Variants in SCN9A observed in about 807,000 individuals in gnomAD.
SCN9A encodes sodium voltage-gated channel alpha subunit 9.
Under a neutral mutation model 187.0 loss-of-function variants are expected in SCN9A, and 131 were observed. The observed-to-expected ratio is 0.70, with a 90% CI of 0.61 to 0.81. SCN9A has a LOEUF of 0.81. Ranked by LOEUF, SCN9A falls within the 30% of genes least tolerant of loss-of-function variation. SCN9A has a pLI of 0.00. For missense variants in SCN9A, 2,252 were observed against 2,396.6 expected, an observed-to-expected ratio of 0.94 and a Z score of 1.26; for synonymous variants, 809 against 808.6, an observed-to-expected ratio of 1.00 and a Z score of -0.01.
chr2:166,255,738 C>T (rs1696242751), intron 17 of SCN9A, among the ~76,000 whole-genome samples: 2 of 151,386 alleles, frequency 1.3e-5, no homozygotes, highest in Admixed American at 6.6e-5. Flanking sequence ...ATGGTTATTT[C>T]ACCTGAGCCT....
intron 1 of SCN9A, among the ~76,000 whole-genome samples, chr2:166,347,307 A>C (rs1233513861): frequency 1.3e-5 from 2 of 152,218 alleles, no homozygotes; most frequent in Admixed American, 6.5e-5. Flanking sequence ...AAAAAATATA[A>C]AATACTTTAA....
intron 24 of SCN9A, among the ~76,000 whole-genome samples, chr2:166,219,772 T>C (rs948836315): frequency 6.6e-6 from 1 of 152,068 alleles, no homozygotes; most frequent in Non-Finnish European, 1.5e-5. Flanking sequence ...AAAAAATAAA[T>C]GTATATTTCA....
chr2:166,252,042 A>G, intron 17 of SCN9A, 157 bp from the exon 18 acceptor site: 2 of 701,938 alleles, frequency 2.8e-6, no homozygotes, highest in South Asian at 2.0e-5. Context: ...TATTGAGGTC[A>G]AGTAACCTTA....
intron 1 of SCN9A, among the ~76,000 whole-genome samples, chr2:166,333,553 C>T (rs952479639): frequency 2.6e-5 from 4 of 152,058 alleles, no homozygotes; most frequent in African/African-American, 7.2e-5. Context: ...ATAAGCTGGA[C>T]TTCTGAACAT....
chr2:166,301,231 C>T (rs1307033248), intron 7 of SCN9A: 1 of 149,588 alleles, frequency 6.7e-6, no homozygotes, highest in African/African-American at 2.5e-5. Context: ...GAATTGCAAT[C>T]TAACTTCATA....
rs1693342319 is a variant in SCN9A at position 166,198,981 on chromosome 2, C to G, written c.5658G>C (p.Arg1886=). ...SYEPITTTLK[R]KQEDVSATVI... is the part of the protein sequence containing the mutation. ...CAGTAGCAGACACATCCTCTTGTTT[C>G]CGTTTTAGTGTGGTTGTGATGGGTT... The change falls in exon 27 of 27, where the codon CGG becomes CGC. Residue 1886 remains arginine (R), a synonymous_variant. Transcript: ENST00000642356. 1.2e-6 allele frequency: 2 copies of G among 1,613,870 alleles called. No homozygotes were observed. The highest frequency in any genetic ancestry group is 1.1e-5 in the South Asian group (1 of 91,086).
Position 166,280,383 on chromosome 2 carries a change from T to C in SCN9A, c.2317A>G (p.Lys773Glu), listed in dbSNP as rs1553488765. 3.2e-6 allele frequency: 5 copies of C among 1,581,142 alleles called. No homozygotes were observed. In the East Asian group the frequency reaches 1.1e-4, roughly 36 times the overall value. ...MEHHPMTEEF[K>E]NVLAIGNLVF... ...AAATTTCCTATAGCAAGTACATTTTTGAATTCCTCAGTCATTGGGTGGTGT... is the reference window on the plus strand; with the variant it reads ...AAATTTCCTATAGCAAGTACATTTTCGAATTCCTCAGTCATTGGGTGGTGT... Residue 773 changes from lysine to glutamate, a missense_variant, in exon 14 of 27, where the codon AAA becomes GAA. Physicochemically the swap from Lys to Glu is moderately conservative, Grantham distance 56 (BLOSUM62 1). Coordinates refer to ENST00000642356, the MANE Select transcript of SCN9A (RefSeq NM_001365536.1).
chr2:166,374,394 G>GT (rs1215659326), intron 1 of SCN9A, among the ~76,000 whole-genome samples: 1 of 152,158 alleles, frequency 6.6e-6, no homozygotes, highest in Non-Finnish European at 1.5e-5. Flanking sequence ...TCTGTCTAGA[G>GT]TTTTGTTGTT....
intron 1 of SCN9A, among the ~76,000 whole-genome samples, chr2:166,348,551 T>A (rs1353319397): frequency 1.3e-5 from 2 of 152,204 alleles, no homozygotes; most frequent in Non-Finnish European, 2.9e-5. Context: ...CACTCTCATT[T>A]TGTCTTATCC....
At position 166,286,596 on chromosome 2, in the gene SCN9A, T is replaced by C. The variant is rs1697758630; in HGVS notation, c.1342A>G (p.Thr448Ala). The C allele has an allele frequency of 4.4e-6, 7 of 1,573,852 alleles. No individual in the cohort carries two copies. Among genetic ancestry groups the C allele is most frequent in the African/African-American group, 1.4e-5 (1 of 72,850 alleles). The part of the protein sequence containing the change: ...EAIAAAAAEY[T>A]SIRRSRIMGL... The stretch of plus-strand genomic sequence containing the variant: ...ATAATTCTGCTTCTCCTAATACTTG[T>C]ATATTCAGCCGCTGCCGCTGCAATT... Residue 448 changes from threonine to alanine, a missense_variant, in exon 11 of 27, where the codon ACA becomes GCA. Physicochemically the swap from Thr to Ala is moderately conservative, Grantham distance 58. Coordinates refer to ENST00000642356, the MANE Select transcript of SCN9A (RefSeq NM_001365536.1).
rs781023511 is a variant in SCN9A at position 166,199,314 on chromosome 2, A to G, written c.5325T>C (p.Ser1775=). ...VATEESTEPL[S]EDDFEMFYEV... ...CATAGAACATCTCAAAGTCATCCTC[A>G]CTCAGAGGTTCAGTACTTTCTTCAG... The change falls in exon 27 of 27, where the codon AGT becomes AGC. Residue 1775 remains serine (S), a synonymous_variant. Coordinates refer to ENST00000642356, the MANE Select transcript of SCN9A (RefSeq NM_001365536.1). 3.1e-6 allele frequency: 5 copies of G among 1,614,186 alleles called. No homozygotes were observed. The highest frequency in any genetic ancestry group is 4.2e-6 in the Non-Finnish European group (5 of 1,180,028).
At chr2:166,223,180 C>G (rs1167828938) in intron 24 of SCN9A, among the ~76,000 whole-genome samples, 1 of 152,080 alleles carries the variant, frequency 6.6e-6, no homozygotes, top group Non-Finnish European at 1.5e-5. Context: ...AAAAATATAA[C>G]TACCATTTGA....
intron 17 of SCN9A, among the ~76,000 whole-genome samples, chr2:166,258,452 A>G (rs535609255): frequency 2.8e-4 from 42 of 150,648 alleles, no homozygotes; most frequent in Non-Finnish European, 5.9e-5. Context: ...TTGAACACTT[A>G]TCACTTATTC....
chr2:166,279,126 G>C (rs1180549235), intron 14 of SCN9A, among the ~76,000 whole-genome samples: 2 of 151,878 alleles, frequency 1.3e-5, no homozygotes, highest in East Asian at 1.9e-4. Flanking sequence ...TCAGTGAGAA[G>C]GTACTTATTT....
chr2:166,366,738 T>C (rs1263723078), intron 1 of SCN9A, among the ~76,000 whole-genome samples: 2 of 152,162 alleles, frequency 1.3e-5, no homozygotes, highest in Admixed American at 1.3e-4. Context: ...CCACTTAGTC[T>C]AGAGGATAAG....
chr2:166,289,098 AT>A (rs1215598635), intron 9 of SCN9A, among the ~76,000 whole-genome samples: 1 of 151,850 alleles, frequency 6.6e-6, no homozygotes. Flanking sequence ...TCTCATAGGT[AT>A]TTTCAATTAA....
chr2:166,293,173 CAT>C, intron 9 of SCN9A, 56 bp downstream of exon 9: 1 of 1,483,748 alleles, frequency 6.7e-7, no homozygotes, highest in Non-Finnish European at 9.2e-7. Flanking sequence ...AGGCTCTTAA[CAT>C]ACACCAGGTA....
chr2:166,201,623 C>T (rs59147011), intron 26 of SCN9A, among the ~76,000 whole-genome samples: 3 of 88,384 alleles, frequency 3.4e-5, no homozygotes, highest in Non-Finnish European at 6.8e-5. Flanking sequence ...ATAGAGTATG[C>T]GTATACTATA....
intron 21 of SCN9A, among the ~76,000 whole-genome samples, chr2:166,232,232 T>C (rs1290367046): frequency 6.6e-6 from 1 of 152,202 alleles, no homozygotes; most frequent in Non-Finnish European, 1.5e-5. Flanking sequence ...AAGTTGCTGG[T>C]TTAATACAAT....
Sources: allele counts gnomAD v4.1 joint callset (sites outside exome capture counted in the v4.1 genomes callset), GRCh38; gene constraint gnomAD v4.1.1; transcripts MANE v1.5; gene names NCBI Gene and HGNC (gene_info 2026-07-23, HGNC 2026-07-21).